LAMA3: variants seen among roughly 807,000 people sequenced by gnomAD.
The protein encoded by LAMA3 is laminin subunit alpha 3, also known as laminin subunit alpha-3.
A neutral mutation model predicts 402.0 loss-of-function variants in LAMA3; 281 were observed. That is an observed-to-expected ratio of 0.70 (90% CI 0.63 to 0.77). The LOEUF (loss-of-function observed/expected upper bound fraction) is 0.77. LAMA3 is among the 30% of genes least tolerant of loss of function. The pLI, the probability that LAMA3 is intolerant of heterozygous loss-of-function variation, is 0.00. For missense variants in LAMA3, 3,840 were observed against 4,215.5 expected, an observed-to-expected ratio of 0.91 and a Z score of 2.47; for synonymous variants, 1,431 against 1,558.4, an observed-to-expected ratio of 0.92 and a Z score of 1.93.
At chr18:23,919,379 T>A (rs989511386) in intron 60 of LAMA3, among the ~76,000 whole-genome samples, 1 of 152,216 alleles carries the variant, frequency 6.6e-6, no homozygotes, top group Non-Finnish European at 1.5e-5. Context: ...TTCAAGTATA[T>A]GTTTCACACC....
chr18:23,908,761 C>T (rs765138354), intron 54 of LAMA3, among the ~76,000 whole-genome samples: 1 of 151,706 alleles, frequency 6.6e-6, no homozygotes, highest in Non-Finnish European at 1.5e-5. Flanking sequence ...TATGTTTTTT[C>T]GATCTGATAA....
intron 1 of LAMA3, among the ~76,000 whole-genome samples, chr18:23,698,511 C>G (rs1319254888): frequency 1.3e-5 from 2 of 152,116 alleles, no homozygotes; most frequent in Non-Finnish European, 2.9e-5. Context: ...CACCTCTCTT[C>G]TTTTTTATCT....
chr18:23,767,912 T>G (rs562120970), intron 8 of LAMA3, among the ~76,000 whole-genome samples: 174 of 152,210 alleles, frequency 1.1e-3, no homozygotes, highest in Non-Finnish European at 1.9e-3. Context: ...GCTAAGATAG[T>G]TGTCTCTCCA....
chr18:23,922,013 G>A (rs1355263433), intron 62 of LAMA3, among the ~76,000 whole-genome samples: 1 of 152,198 alleles, frequency 6.6e-6, no homozygotes, highest in African/African-American at 2.4e-5. Flanking sequence ...GAAACAGTAT[G>A]TCTCCTTCAC....
chr18:23,776,640 A>G (rs113799666), intron 10 of LAMA3, among the ~76,000 whole-genome samples: 26 of 152,234 alleles, frequency 1.7e-4, no homozygotes, highest in South Asian at 6.2e-4. Context: ...TAGGAAAAGC[A>G]TATTGAGTTG....
chr18:23,747,625 C>T (rs1568139409), intron 2 of LAMA3, among the ~76,000 whole-genome samples: 1 of 152,176 alleles, frequency 6.6e-6, no homozygotes, highest in South Asian at 2.1e-4. Context: ...TGCCATCAGA[C>T]TTTTCTGAAT....
intron 8 of LAMA3, among the ~76,000 whole-genome samples, chr18:23,765,264 G>A (rs975390911): frequency 6.6e-6 from 1 of 152,116 alleles, no homozygotes; most frequent in African/African-American, 2.4e-5. Flanking sequence ...AAAGTTGGTG[G>A]GGAGTCCAGG....
chr18:23,943,637 A>G, intron 68 of LAMA3, 151 bp from the exon 69 acceptor site: 1 of 688,634 alleles, frequency 1.5e-6, no homozygotes. Flanking sequence ...TAAAGTTTCC[A>G]GAGAAACGGG....
At chr18:23,749,600 T>C in intron 4 of LAMA3, 54 bp downstream of exon 4, 1 of 1,078,892 alleles carries the variant, frequency 9.3e-7, no homozygotes, top group Non-Finnish European at 1.4e-6. Flanking sequence ...ACCATGAGGA[T>C]ATCCAATTTT....
chr18:23,709,200 A>G (rs2060943753), intron 1 of LAMA3, among the ~76,000 whole-genome samples: 1 of 151,970 alleles, frequency 6.6e-6, no homozygotes, highest in Non-Finnish European at 1.5e-5. Flanking sequence ...CCTCCCAAGT[A>G]GCTGGGACTA....
Position 23,937,482 on chromosome 18 carries a change from C to G in LAMA3, c.8863-1741C>G, listed in dbSNP as rs72875924. ...TATGTCACACAGAAGAAGAGTAGGACATGAGAACTGAATGCCTGAATGCAT... is the reference window on the plus strand; with the variant it reads ...TATGTCACACAGAAGAAGAGTAGGAGATGAGAACTGAATGCCTGAATGCAT... On this transcript the variant is annotated intron_variant, in intron 67 of 74. Coordinates refer to ENST00000313654, the MANE Select transcript of LAMA3 (RefSeq NM_198129.4). Among the ~76,000 whole-genome samples the G allele has an allele frequency of 8.7e-3, 1,312 of 150,298 alleles. 9 individuals carry two copies. The highest frequency in any genetic ancestry group is 0.072 in the Middle Eastern group (21 of 290).
At position 23,847,546 on chromosome 18, in the gene LAMA3, G is replaced by A; in HGVS notation, c.4014G>A (p.Glu1338=). 6.2e-7 allele frequency: 1 copy of A among 1,614,116 alleles called. No individual in the cohort carries two copies. Among genetic ancestry groups the A allele is most frequent in the Non-Finnish European group, 8.5e-7 (1 of 1,180,054 alleles). ...CPPRTVRPQC[E]VCETHSFSFH... Reference sequence around the variant, plus strand: ...CCCGCACGGTCAGGCCCCAGTGTGAGGTGTGTGAGACACACTCATTCAGCT... The same window carrying A: ...CCCGCACGGTCAGGCCCCAGTGTGAAGTGTGTGAGACACACTCATTCAGCT... Residue 1338 remains glutamate, a synonymous_variant, in exon 32 of 75, where the codon GAG becomes GAA. Transcript: ENST00000313654.
At chr18:23,823,117 T>C (rs1427759366) in intron 20 of LAMA3, among the ~76,000 whole-genome samples, 1 of 152,184 alleles carries the variant, frequency 6.6e-6, no homozygotes, top group African/African-American at 2.4e-5. Flanking sequence ...GAAGAAATGA[T>C]GTCATTTCCG....
intron 18 of LAMA3, 80 bp from the exon 19 acceptor site, chr18:23,819,761 A>G (rs923868613): frequency 5.7e-6 from 7 of 1,235,526 alleles, no homozygotes; most frequent in African/African-American, 3.0e-5. Context: ...GTTCTTTCAT[A>G]GTAACTATTG....
At position 23,689,747 on chromosome 18, in the gene LAMA3, C is replaced by T. The variant is rs2060542743; in HGVS notation, c.64C>T (p.Leu22Phe). The change falls in exon 1 of 75, where the codon CTC becomes TTC. Residue 22 changes from leucine to phenylalanine, a missense_variant. This residue lies in a region of LAMA3 where 2,109 missense variants were observed against 2,376.0 expected (regional missense o/e 0.89). Coordinates refer to ENST00000313654, the MANE Select transcript of LAMA3 (RefSeq NM_198129.4). ...LGPVLPPTPL[L>F]LLVLRVLPAC... The stretch of plus-strand genomic sequence containing the variant: ...GCCAGTACTGCCGCCGACGCCGCTG[C>T]TCCTGCTGGTACTGCGGGTGCTGCC... 6.6e-7 allele frequency: 1 copy of T among 1,509,590 alleles called. No individual in the cohort carries two copies. Among genetic ancestry groups the T allele is most frequent in the African/African-American group, 1.4e-5 (1 of 69,254 alleles). The allele number at this position is 1,509,590 out of a possible 1,614,324, so 93.5% of individuals were successfully genotyped here.
Position 23,951,763 on chromosome 18 carries a change from G to T in LAMA3, c.9722G>T (p.Trp3241Leu). 6.2e-7 allele frequency: 1 copy of T among 1,612,974 alleles called. No homozygotes were observed. Among genetic ancestry groups the T allele is most frequent in the South Asian group, 1.1e-5 (1 of 91,008 alleles). Residue 3241 changes from tryptophan (W) to leucine (L), a missense_variant, in exon 73 of 75, where the codon TGG becomes TTG. By Grantham distance (61) the Trp-to-Leu change is moderately conservative. This residue lies in a region of LAMA3 where 840 missense variants were observed against 981.9 expected (regional missense o/e 0.86). Coordinates refer to ENST00000313654, the MANE Select transcript of LAMA3 (RefSeq NM_198129.4). ...TPKQSLCDGQ[W>L]HSVAVTIKQH... ...AAGCAGTCTCTGTGTGATGGACAGT[G>T]GCACTCGGTGGCAGGTATGTTGTCC...
chr18:23,859,204 TA>T (rs1447471787), intron 34 of LAMA3, among the ~76,000 whole-genome samples: 2 of 152,236 alleles, frequency 1.3e-5, no homozygotes, highest in Non-Finnish European at 2.9e-5. Context: ...TCTCATTAAA[TA>T]AATCGAGTTT....
chr18:23,842,324 T>A (rs2063719400), intron 27 of LAMA3, 71 bp from the exon 28 acceptor site: 1 of 1,578,938 alleles, frequency 6.3e-7, no homozygotes, highest in Non-Finnish European at 8.7e-7. Flanking sequence ...GAATACTCTA[T>A]GATTCCAGTT....
chr18:23,839,933 G>A lies in LAMA3; in HGVS notation c.3336+4G>A. The A allele has an allele frequency of 6.2e-7, 1 of 1,614,140 alleles. No homozygotes were observed. The highest frequency in any genetic ancestry group is 8.5e-7 in the Non-Finnish European group (1 of 1,180,006). On this transcript the variant is annotated splice_donor_region_variant and intron_variant, in intron 27 of 74. Coordinates refer to ENST00000313654, the MANE Select transcript of LAMA3 (RefSeq NM_198129.4). This position sits in a 1 kb window ranked among gnomAD's most constrained non-coding sequence, Gnocchi z 4.5. ...GGTCACCTTGAAGGCACCGCAGGTA[G>A]TGTGCTGTTTCTAAACCAGTGGTTC... is the stretch of plus-strand genomic sequence containing the variant.
Sources: gnomAD v4.1 joint callset for allele counts (sites outside exome capture counted in the v4.1 genomes callset) on GRCh38, gnomAD v4.1.1 for gene constraint, gnomAD v4.1.1 regional missense constraint, Gnocchi (gnomAD v3.1) non-coding constraint, MANE v1.5 for transcripts, NCBI Gene and HGNC (gene_info 2026-07-23, HGNC 2026-07-21) for gene names.